Variants in SIM1 observed in about 807,000 individuals in gnomAD.
SIM1 encodes the protein single-minded homolog 1.
SIM1 carries 18 observed loss-of-function variants against 78.2 expected under a neutral mutation model. The observed-to-expected ratio is 0.23, with a 90% CI of 0.16 to 0.34. The LOEUF (loss-of-function observed/expected upper bound fraction) is 0.34. SIM1 is among the 10% of genes least tolerant of loss of function. SIM1 has a pLI of 1.00. For missense variants in SIM1, 939 were observed against 975.1 expected (o/e 0.96, Z 0.49); for synonymous variants, 417 against 385.2 (o/e 1.08, Z -0.97).
chr6:100,406,215 A>G (rs373606270), intron 10 of SIM1, among the ~76,000 whole-genome samples: 217 of 152,302 alleles, frequency 1.4e-3, no homozygotes, highest in African/African-American at 4.4e-3. Flanking sequence ...CCCATCTTCC[A>G]TGATGGGCTT....
At chr6:100,442,564 C>A (rs1772244113) in intron 9 of SIM1, among the ~76,000 whole-genome samples, 1 of 152,054 alleles carries the variant, frequency 6.6e-6, no homozygotes, top group Non-Finnish European at 1.5e-5. Flanking sequence ...AAGATTAAGT[C>A]TATACAAATG....
chr6:100,400,133 T>C (rs545699050), intron 10 of SIM1, among the ~76,000 whole-genome samples: 6 of 151,634 alleles, frequency 4.0e-5, no homozygotes, highest in African/African-American at 9.7e-5. Context: ...CTATAGGAGA[T>C]ACAAAGGAGA....
intron 2 of SIM1, 107 bp downstream of exon 2, chr6:100,463,187 T>C (rs530169440): frequency 3.1e-6 from 3 of 976,532 alleles, no homozygotes; most frequent in Admixed American, 6.0e-5. Context: ...TTGCAAAATA[T>C]ATATGTAAAT....
chr6:100,456,285 C>A (rs1043174024), intron 2 of SIM1, among the ~76,000 whole-genome samples: 4 of 152,212 alleles, frequency 2.6e-5, no homozygotes, highest in Admixed American at 6.5e-5. Context: ...TGGAGCCCCT[C>A]GCCTCCTGCC....
chr6:100,398,358 A>G (rs926824001), intron 10 of SIM1, among the ~76,000 whole-genome samples: 9 of 152,134 alleles, frequency 5.9e-5, no homozygotes, highest in Admixed American at 2.6e-4. Flanking sequence ...CCATGCAACC[A>G]TCACTACCAT....
At chr6:100,397,140 G>A (rs1481884358) in intron 10 of SIM1, among the ~76,000 whole-genome samples, 1 of 151,926 alleles carries the variant, frequency 6.6e-6, no homozygotes, top group African/African-American at 2.4e-5. Context: ...TTACTATAAG[G>A]CCAATTTTCC....
At position 100,390,624 on chromosome 6, in the gene SIM1, A is replaced by T; in HGVS notation, c.2038T>A (p.Ser680Thr). The T allele has an allele frequency of 1.2e-6, 2 of 1,614,202 alleles. No individual in the cohort carries two copies. The highest frequency in any genetic ancestry group is 1.7e-6 in the Non-Finnish European group (2 of 1,180,028). The change falls in exon 12 of 12, where the codon TCG (serine) becomes ACG (threonine). Residue 680 changes from serine to threonine, a missense_variant. Around this residue, in one of 5 missense-constraint regions of SIM1, gnomAD observed 556 missense variants for 521.9 expected, o/e 1.07. Transcript: ENST00000369208. ...SLILAKDYLH[S>T]DISPHQTAGD... ...GCTGTCTGATGAGGAGATATATCCG[A>T]ATGCAGATAGTCTTTAGCTAGGATC... is the stretch of plus-strand genomic sequence containing the variant.
intron 9 of SIM1, among the ~76,000 whole-genome samples, chr6:100,443,833 G>A (rs1368973207): frequency 2.6e-5 from 4 of 152,128 alleles, no homozygotes; most frequent in Non-Finnish European, 5.9e-5. Context: ...CATATAGGTA[G>A]AGAGAGATAT....
intron 9 of SIM1, among the ~76,000 whole-genome samples, chr6:100,427,547 T>C (rs1191950541): frequency 6.6e-6 from 1 of 152,204 alleles, no homozygotes; most frequent in African/African-American, 2.4e-5. Flanking sequence ...GACATGAGTG[T>C]AATCAACAGG....
rs756182980 is a variant in SIM1, at chr6:100,448,251, C to T, written c.745G>A (p.Val249Met). ...GGTTCGTACCCCGTCAGCTCCGCCA[C>T]CCTGAGGAGAGCAATCCCTGCAGGA... ...DMKLIFLDSR[V>M]AELTGYEPQD... The change falls in exon 8 of 12, where the codon GTG becomes ATG. Residue 249 changes from valine to methionine, a missense_variant and splice_region_variant. Physicochemically the swap from Val to Met is conservative, Grantham distance 21. This residue lies in a region of SIM1 where 187 missense variants were observed against 191.6 expected (regional missense o/e 0.98). Transcript: ENST00000369208. The T allele has an allele frequency of 1.2e-6, 2 of 1,611,156 alleles. No individual in the cohort carries two copies. Among genetic ancestry groups the T allele is most frequent in the African/African-American group, 2.7e-5 (2 of 74,994 alleles).
intron 11 of SIM1, among the ~76,000 whole-genome samples, chr6:100,392,877 C>T (rs1432288616): frequency 6.6e-6 from 1 of 152,146 alleles, no homozygotes; most frequent in African/African-American, 2.4e-5. Context: ...GTGTCCATTT[C>T]GACGTGTTTA....
intron 4 of SIM1, among the ~76,000 whole-genome samples, chr6:100,449,965 A>C (rs953751051): frequency 6.6e-6 from 1 of 152,242 alleles, no homozygotes; most frequent in African/African-American, 2.4e-5. Context: ...CAGCAGCAGC[A>C]GTTCCCTGGC....
chr6:100,453,274 T>C (rs1772559858), intron 3 of SIM1, among the ~76,000 whole-genome samples: 1 of 152,176 alleles, frequency 6.6e-6, no homozygotes, highest in African/African-American at 2.4e-5. Context: ...AGAGGGAGCC[T>C]GGGCACTACA....
intron 9 of SIM1, among the ~76,000 whole-genome samples, chr6:100,430,609 C>T (rs1771876429): frequency 6.6e-6 from 1 of 151,918 alleles, no homozygotes; most frequent in African/African-American, 2.4e-5. Context: ...TTATTTCCCA[C>T]CTCCCCACCC....
chr6:100,462,889 C>T, intron 2 of SIM1: 1 of 161,880 alleles, frequency 6.2e-6, no homozygotes, highest in Admixed American at 6.1e-5. Flanking sequence ...TGGGTCTATC[C>T]ACACCTGGCA....
intron 3 of SIM1, among the ~76,000 whole-genome samples, chr6:100,450,744 A>G (rs960191295): frequency 3.3e-5 from 5 of 149,796 alleles, no homozygotes; most frequent in African/African-American, 9.9e-5. Flanking sequence ...TTCTAGGGGG[A>G]AAAATCACAG....
chr6:100,449,169 G>T, intron 6 of SIM1, among the ~76,000 whole-genome samples, 194 bp downstream of exon 6: 1 of 152,208 alleles, frequency 6.6e-6, no homozygotes, highest in East Asian at 1.9e-4. Context: ...GTCAGACTTT[G>T]TCTTTAAGCA....
chr6:100,450,132 G>T, intron 4 of SIM1, 135 bp downstream of exon 4: 1 of 732,552 alleles, frequency 1.4e-6, no homozygotes, highest in Admixed American at 1.9e-5. Context: ...AACTATTTAA[G>T]AGTCTTCCTG....
In SIM1 at chr6:100,388,522, C is replaced by A. The variant is rs530663588; in HGVS notation, c.*1839G>T. ...GTTAACATTATTTAATTTTATGTAG[C>A]CTCTCCTTTCATATACAAACAACCC... is the stretch of plus-strand genomic sequence containing the variant. On this transcript the variant is annotated 3_prime_UTR_variant, in exon 12 of 12. Coordinates refer to ENST00000369208, the MANE Select transcript of SIM1 (RefSeq NM_005068.3). 1 of 152,216 alleles carries A rather than the reference C, an allele frequency of 6.6e-6. No homozygotes were observed. Among genetic ancestry groups the A allele is most frequent in the Non-Finnish European group, 1.5e-5 (1 of 67,998 alleles). The allele number at this position is 152,216 out of a possible 1,614,324, so 9.4% of individuals were successfully genotyped here.
Sources: allele counts gnomAD v4.1 joint callset (sites outside exome capture counted in the v4.1 genomes callset), GRCh38; gene constraint gnomAD v4.1.1; regional missense constraint gnomAD v4.1.1; transcripts MANE v1.5; gene names NCBI Gene and HGNC (gene_info 2026-07-23, HGNC 2026-07-21).